The following EIF4ENIF1 variants were observed in gnomAD, a reference collection of about 807,000 sequenced individuals.
EIF4ENIF1 encodes eukaryotic translation initiation factor 4E nuclear import factor 1.
A neutral mutation model predicts 110.5 loss-of-function variants in EIF4ENIF1; 23 were observed. The ratio of observed to expected loss-of-function variants is 0.21; its 90% CI spans 0.15 to 0.29. The LOEUF (loss-of-function observed/expected upper bound fraction) is 0.29. Among genes scored for constraint, EIF4ENIF1 ranks in the 10% least tolerant of loss-of-function variants. The pLI, the probability that EIF4ENIF1 is intolerant of heterozygous loss-of-function variation, is 1.00. For synonymous variants in EIF4ENIF1, 440 were observed against 437.0 expected (o/e 1.01, Z -0.09); for missense variants, 1,031 against 1,221.1 (o/e 0.84, Z 2.32).
intron 3 of EIF4ENIF1, among the ~76,000 whole-genome samples, chr22:31,470,812 A>C (rs151131976): frequency 0.015 from 2,254 of 150,638 alleles, 10 homozygotes; most frequent in Middle Eastern, 0.027. Context: ...CCTCCTGAGT[A>C]CTTGGGACTA....
chr22:31,442,916 C>G, intron 16 of EIF4ENIF1, 46 bp downstream of exon 16: 1 of 1,605,498 alleles, frequency 6.2e-7, no homozygotes, highest in South Asian at 1.1e-5. Context: ...CATGTTTTCT[C>G]CATCACATAC....
rs1239959704 is a variant in EIF4ENIF1 at position 31,442,094 on chromosome 22, A to G, written c.2231T>C (p.Val744Ala). The change falls in exon 17 of 19, where the codon GTA (valine) becomes GCA (alanine). Residue 744 changes from valine to alanine, a missense_variant. Val to Ala is a moderately conservative substitution (Grantham distance 64, BLOSUM62 0). Transcript: ENST00000330125. ...AGAAGAGTCTCGATCGGCACTGGGT[A>G]CAGAGCTGGATGACAGGAGGTTTTC... Reference protein sequence around the residue: ...SEENLLSSSSVPSADRDSSPT... With the variant: ...SEENLLSSSSAPSADRDSSPT... 4 of 1,611,164 alleles carry G rather than the reference A, an allele frequency of 2.5e-6. No homozygotes were observed. In the East Asian group the frequency reaches 6.7e-5, roughly 27 times the overall value.
chr22:31,454,417 A>G, intron 9 of EIF4ENIF1, 41 bp from the exon 10 acceptor site: 2 of 1,547,274 alleles, frequency 1.3e-6, no homozygotes, highest in Non-Finnish European at 1.8e-6. Context: ...AAGCAAAGAG[A>G]TATCTGGTAG....
chr22:31,476,827 T>C (rs903298587), intron 2 of EIF4ENIF1, among the ~76,000 whole-genome samples: 3 of 146,628 alleles, frequency 2.0e-5, no homozygotes, highest in African/African-American at 7.4e-5. Context: ...CAGAGTAAGA[T>C]TCTGTGTCAA....
intron 13 of EIF4ENIF1, among the ~76,000 whole-genome samples, chr22:31,447,780 T>C (rs1413710558): frequency 2.0e-5 from 3 of 152,240 alleles, no homozygotes; most frequent in Non-Finnish European, 4.4e-5. Flanking sequence ...TTCACTGAGC[T>C]TGAAATATAG....
intron 10 of EIF4ENIF1, chr22:31,450,777 TACAC>T (rs546874610): frequency 2.9e-5 from 7 of 238,496 alleles, no homozygotes; most frequent in Admixed American, 1.6e-4. Flanking sequence ...CATACATATA[TACAC>T]ACACATATAC....
intron 2 of EIF4ENIF1, among the ~76,000 whole-genome samples, chr22:31,475,116 C>A (rs1420706197): frequency 2.0e-5 from 3 of 152,234 alleles, no homozygotes; most frequent in Non-Finnish European, 4.4e-5. Context: ...AGTTTTAAGA[C>A]CAGGATATCA....
chr22:31,443,334 T>C, intron 15 of EIF4ENIF1: 1 of 402,214 alleles, frequency 2.5e-6, no homozygotes, highest in Non-Finnish European at 4.3e-6. Flanking sequence ...ATGCAGCCTC[T>C]GCGTCACAGA....
chr22:31,477,376 A>G (rs2051621704), intron 2 of EIF4ENIF1, among the ~76,000 whole-genome samples: 1 of 55,108 alleles, frequency 1.8e-5, no homozygotes, highest in African/African-American at 8.3e-5. Context: ...AAAAAAAAAC[A>G]AAAAAAACAA....
intron 14 of EIF4ENIF1, 140 bp downstream of exon 14, chr22:31,447,285 TG>T: frequency 2.1e-6 from 2 of 953,464 alleles, no homozygotes; most frequent in Non-Finnish European, 3.1e-6. Context: ...TTTCTTCTAT[TG>T]ATTTGGATTG....
intron 5 of EIF4ENIF1, 98 bp from the exon 6 acceptor site, chr22:31,463,231 T>C: frequency 1.7e-6 from 2 of 1,152,104 alleles, no homozygotes; most frequent in African/African-American, 1.5e-5. Context: ...GAAAGGAAGA[T>C]ATGATGCTGT....
intron 10 of EIF4ENIF1, among the ~76,000 whole-genome samples, chr22:31,453,662 T>G (rs2050739362): frequency 6.6e-6 from 1 of 152,208 alleles, no homozygotes; most frequent in Non-Finnish European, 1.5e-5. Context: ...CGTGAGCCAC[T>G]GTGCTCAGCC....
chr22:31,449,408 C>G lies in EIF4ENIF1; in HGVS notation c.1708G>C (p.Val570Leu). The G allele has an allele frequency of 6.2e-7, 1 of 1,614,134 alleles. No individual in the cohort carries two copies. The highest frequency in any genetic ancestry group is 2.2e-5 in the East Asian group (1 of 44,878). The change falls in exon 12 of 19, where the codon GTG (valine) becomes CTG (leucine). Residue 570 changes from valine to leucine, a missense_variant. Transcript: ENST00000330125. ...GCTGAGGCTGCTCGAGTTTGAAACA[C>G]CTGTGACAAGGGAGGAGAGGGTGCT... ...QRAPSPPLSQVFQTRAASADY... is the reference protein window; with the variant it reads ...QRAPSPPLSQLFQTRAASADY...
At chr22:31,454,119 T>G in intron 10 of EIF4ENIF1, 25 bp downstream of exon 10, 6 of 1,586,676 alleles carry the variant, frequency 3.8e-6, no homozygotes, top group East Asian at 4.5e-5. Context: ...GAGAAAAGGG[T>G]GGGGGGTTTG....
intron 2 of EIF4ENIF1, among the ~76,000 whole-genome samples, chr22:31,487,662 C>T (rs145678800): frequency 7.2e-5 from 11 of 152,020 alleles, no homozygotes; most frequent in African/African-American, 2.4e-4. Context: ...TACTGGTGCA[C>T]GCCTGTGGTC....
In EIF4ENIF1 at chr22:31,454,666, A is replaced by G. The variant is rs911359957; in HGVS notation, c.1280-290T>C. Among the ~76,000 whole-genome samples the G allele has an allele frequency of 2.1e-4, 32 of 152,192 alleles. 1 individual carries two copies. The highest frequency in any genetic ancestry group is 7.5e-4 in the African/African-American group (31 of 41,450). On this transcript the variant is annotated intron_variant, in intron 9 of 18. Coordinates refer to ENST00000330125, the MANE Select transcript of EIF4ENIF1 (RefSeq NM_019843.4). The stretch of plus-strand genomic sequence containing the variant: ...CTCCTGCTGTGCATCCTGCAGAAGG[A>G]TATGAGTCTTCTGGGAGACTTGTTA...
In EIF4ENIF1 at chr22:31,472,546, G is replaced by A. The variant is rs1005324137; in HGVS notation, c.97-629C>T. Reference sequence around the variant, plus strand: ...GGCCTCCCAAAGTGCTGGGATTACAGGTGTGAGCAACCGGGCCGGGGGGCG... The same window carrying A: ...GGCCTCCCAAAGTGCTGGGATTACAAGTGTGAGCAACCGGGCCGGGGGGCG... On this transcript the variant is annotated intron_variant, in intron 2 of 18. Transcript: ENST00000330125. Among the ~76,000 whole-genome samples, 5 of 152,172 alleles carry A rather than the reference G, an allele frequency of 3.3e-5. No homozygotes were observed. In the South Asian group the frequency reaches 8.3e-4, roughly 25 times the overall value.
chr22:31,450,787 TATACACATATAC>T (rs1228475195), intron 10 of EIF4ENIF1: 23 of 214,434 alleles, frequency 1.1e-4, no homozygotes, highest in South Asian at 7.6e-4. Flanking sequence ...TACACACACA[TATACACATATAC>T]ATACACATAC....
intron 2 of EIF4ENIF1, among the ~76,000 whole-genome samples, chr22:31,477,406 G>T (rs986155952): frequency 2.1e-5 from 3 of 144,754 alleles, no homozygotes; most frequent in African/African-American, 7.5e-5. Flanking sequence ...ATTTGAAATT[G>T]AGAGGTTATT....
Sources: allele counts gnomAD v4.1 joint callset (sites outside exome capture counted in the v4.1 genomes callset), GRCh38; gene constraint gnomAD v4.1.1; transcripts MANE v1.5; gene names NCBI Gene and HGNC (gene_info 2026-07-23, HGNC 2026-07-21).